PHF21A: variants seen among roughly 807,000 people sequenced by gnomAD.
The protein encoded by PHF21A is BHC80a.
Under a neutral mutation model 82.5 loss-of-function variants are expected in PHF21A, and 11 were observed. The ratio of observed to expected loss-of-function variants is 0.13; its 90% CI spans 0.08 to 0.22. PHF21A has a LOEUF of 0.22. Ranked by LOEUF, PHF21A falls within the 10% of genes least tolerant of loss-of-function variation. The pLI, the probability that PHF21A is intolerant of heterozygous loss-of-function variation, is 1.00. For synonymous variants in PHF21A, 297 were observed against 302.8 expected, an observed-to-expected ratio of 0.98 and a Z score of 0.20; for missense variants, 579 against 837.8, an observed-to-expected ratio of 0.69 and a Z score of 3.81.
intron 6 of PHF21A, among the ~76,000 whole-genome samples, chr11:46,032,210 T>C (rs1469580131): frequency 6.6e-6 from 1 of 152,206 alleles, no homozygotes; most frequent in Non-Finnish European, 1.5e-5. Context: ...AATATCATTA[T>C]ATTTTCCTAT....
At chr11:45,982,681 T>C (rs2094346351) in intron 6 of PHF21A, among the ~76,000 whole-genome samples, 1 of 152,110 alleles carries the variant, frequency 6.6e-6, no homozygotes, top group Non-Finnish European at 1.5e-5. Context: ...GTTGCTTCAG[T>C]CCTCCTCCCC....
At chr11:46,047,423 T>C (rs2096274008) in intron 6 of PHF21A, among the ~76,000 whole-genome samples, 1 of 152,164 alleles carries the variant, frequency 6.6e-6, no homozygotes, top group Non-Finnish European at 1.5e-5. Context: ...AGTTAGTCCT[T>C]ATTATATGCC....
intron 15 of PHF21A, among the ~76,000 whole-genome samples, chr11:45,942,843 G>T (rs1308220375): frequency 1.3e-5 from 2 of 152,164 alleles, no homozygotes; most frequent in Non-Finnish European, 2.9e-5. Context: ...TTTATCTTAG[G>T]ATGGTCAATG....
intron 6 of PHF21A, among the ~76,000 whole-genome samples, chr11:46,076,345 A>G (rs2096725410): frequency 6.6e-6 from 1 of 152,238 alleles, no homozygotes; most frequent in Non-Finnish European, 1.5e-5. Context: ...AGAGCAATCT[A>G]CTTACAAGAA....
At chr11:46,037,906 G>A (rs1030453490) in intron 6 of PHF21A, among the ~76,000 whole-genome samples, 1 of 151,814 alleles carries the variant, frequency 6.6e-6, no homozygotes, top group Non-Finnish European at 1.5e-5. Flanking sequence ...TTCCTTTTAG[G>A]ATCGCTTTTC....
intron 11 of PHF21A, 78 bp downstream of exon 11, chr11:45,953,449 G>T: frequency 1.2e-6 from 1 of 822,036 alleles, no homozygotes; most frequent in South Asian, 1.4e-5. Flanking sequence ...ATCATTCAGA[G>T]AGCAGGTGCC....
At chr11:45,944,567 C>A (rs1171352139) in intron 15 of PHF21A, among the ~76,000 whole-genome samples, 3 of 152,202 alleles carry the variant, frequency 2.0e-5, no homozygotes, top group African/African-American at 7.2e-5. Flanking sequence ...TTTCCCACCA[C>A]CCTGGCCAGC....
chr11:45,964,410 C>T (rs2093312910), intron 10 of PHF21A, among the ~76,000 whole-genome samples: 1 of 151,938 alleles, frequency 6.6e-6, no homozygotes, highest in Non-Finnish European at 1.5e-5. Flanking sequence ...TGCATAGGTT[C>T]CTCTGCTCAA....
intron 6 of PHF21A, among the ~76,000 whole-genome samples, chr11:46,074,463 G>A (rs576930820): frequency 6.7e-5 from 6 of 89,028 alleles, no homozygotes; most frequent in East Asian, 5.6e-4. Flanking sequence ...TTTGGCGGGA[G>A]GGGGGAAGGC....
At chr11:46,034,393 A>G (rs1166506110) in intron 6 of PHF21A, among the ~76,000 whole-genome samples, 1 of 152,106 alleles carries the variant, frequency 6.6e-6, no homozygotes, top group Non-Finnish European at 1.5e-5. Flanking sequence ...TGCCTTAAAT[A>G]AGGTTTCTCT....
At chr11:45,970,275 T>C (rs1421021998) in intron 8 of PHF21A, 1 of 252,364 alleles carries the variant, frequency 4.0e-6, no homozygotes, top group Non-Finnish European at 7.7e-6. Flanking sequence ...TTTCCTGATA[T>C]AAGCTAACAG....
chr11:46,043,862 A>C (rs1168897384), intron 6 of PHF21A, among the ~76,000 whole-genome samples: 1 of 152,148 alleles, frequency 6.6e-6, no homozygotes, highest in Non-Finnish European at 1.5e-5. Flanking sequence ...TGTTTTTCAG[A>C]CTTGAAGTTC....
intron 1 of PHF21A, chr11:46,116,438 T>C (rs1157742816): frequency 2.0e-5 from 3 of 152,162 alleles, no homozygotes; most frequent in African/African-American, 2.4e-5. Flanking sequence ...TAAGAGTCTA[T>C]AGAAGAATCA....
chr11:45,975,989 T>C (rs932349424), intron 7 of PHF21A, among the ~76,000 whole-genome samples: 1 of 152,176 alleles, frequency 6.6e-6, no homozygotes, highest in African/African-American at 2.4e-5. Flanking sequence ...ATTTAATATA[T>C]GCCATATATA....
chr11:46,058,857 C>T (rs970491652), intron 6 of PHF21A, among the ~76,000 whole-genome samples: 2 of 152,138 alleles, frequency 1.3e-5, no homozygotes, highest in Admixed American at 6.5e-5. Context: ...ATGGGAACTT[C>T]GCAGGGACCA....
chr11:45,974,994 G>A (rs533696453), intron 7 of PHF21A, among the ~76,000 whole-genome samples: 1 of 152,220 alleles, frequency 6.6e-6, no homozygotes, highest in South Asian at 2.1e-4. Context: ...TTGTCTGCCT[G>A]CCAAATATGA....
chr11:45,975,826 C>T (rs968417444), intron 7 of PHF21A, among the ~76,000 whole-genome samples: 3 of 152,198 alleles, frequency 2.0e-5, no homozygotes, highest in African/African-American at 7.2e-5. Context: ...ATATGCCAAT[C>T]ACCCGACTTA....
In PHF21A at chr11:45,932,502, C is replaced by T. The variant is rs761060978; in HGVS notation, c.*1466G>A. ...GCCCACCAGTCTAGAGACACACACACGGCAAAATGTCATCGTGATCAGCAG... is the reference window on the plus strand; with the variant it reads ...GCCCACCAGTCTAGAGACACACACATGGCAAAATGTCATCGTGATCAGCAG... On this transcript the variant is annotated 3_prime_UTR_variant, in exon 19 of 19. Transcript: ENST00000676320. This position sits in a 1 kb window ranked among gnomAD's most constrained non-coding sequence, Gnocchi z 4.3. 25 of 152,420 alleles carry T rather than the reference C, an allele frequency of 1.6e-4. No homozygotes were observed. The highest frequency in any genetic ancestry group is 3.4e-4 in the Non-Finnish European group (23 of 68,040). 9.4% of individuals were successfully genotyped at this position (152,420 alleles called of 1,614,324 possible). A position where few individuals can be genotyped will look rare whatever the true frequency, so the allele number is the denominator to read the frequency against.
intron 1 of PHF21A, among the ~76,000 whole-genome samples, chr11:46,095,247 G>T (rs1288373645): frequency 2.6e-5 from 4 of 151,908 alleles, no homozygotes; most frequent in African/African-American, 7.3e-5. Flanking sequence ...CAAAAAGCAA[G>T]ATCTATACAC....
Sources: gnomAD v4.1 joint callset for allele counts (sites outside exome capture counted in the v4.1 genomes callset) on GRCh38, gnomAD v4.1.1 for gene constraint, Gnocchi (gnomAD v3.1) non-coding constraint, MANE v1.5 for transcripts, NCBI Gene and HGNC (gene_info 2026-07-23, HGNC 2026-07-21) for gene names.